Variants in HDAC5 observed in about 807,000 individuals in gnomAD.
HDAC5 encodes the protein histone deacetylase 5, also known as antigen NY-CO-9.
A neutral mutation model predicts 133.3 loss-of-function variants in HDAC5; 25 were observed. That is an observed-to-expected ratio of 0.19 (90% confidence interval 0.14 to 0.26). The LOEUF (loss-of-function observed/expected upper bound fraction) is 0.26, where lower values mean the gene tolerates loss of function less well. Ranked by LOEUF, HDAC5 falls within the 10% of genes least tolerant of loss-of-function variation. The pLI, the probability that HDAC5 is intolerant of heterozygous loss-of-function variation, is 1.00. For synonymous variants in HDAC5, 589 were observed against 610.8 expected, an observed-to-expected ratio of 0.96 and a Z score of 0.53; for missense variants, 1,041 against 1,460.5, an observed-to-expected ratio of 0.71 and a Z score of 4.68.
intron 2 of HDAC5, among the ~76,000 whole-genome samples, chr17:44,112,510 C>A (rs2052405111): frequency 6.6e-6 from 1 of 152,094 alleles, no homozygotes. Context: ...TTTTGGAGCC[C>A]CCTCCTTGAC....
intron 3 of HDAC5, among the ~76,000 whole-genome samples, chr17:44,098,262 G>A (rs1029794561): frequency 1.3e-5 from 2 of 152,226 alleles, no homozygotes; most frequent in South Asian, 2.1e-4. Context: ...GGCATGAGCA[G>A]AGCAGGTGGC....
chr17:44,089,872 A>G (rs1351943229), intron 11 of HDAC5, among the ~76,000 whole-genome samples: 1 of 144,922 alleles, frequency 6.9e-6, no homozygotes, highest in Non-Finnish European at 1.5e-5. Context: ...TGGAGGGTGC[A>G]GTGAGCAGAG....
chr17:44,122,806 G>A (rs2053092055), intron 1 of HDAC5, among the ~76,000 whole-genome samples: 1 of 152,108 alleles, frequency 6.6e-6, no homozygotes, highest in African/African-American at 2.4e-5. Context: ...GATGAAAAAT[G>A]GGGGGCATCC....
Position 44,080,794 on chromosome 17 carries a change from T to G in HDAC5, c.2696A>C (p.Asn899Thr). 1 of 1,614,152 alleles carries G rather than the reference T, an allele frequency of 6.2e-7. No individual in the cohort carries two copies. Among genetic ancestry groups the G allele is most frequent in the Non-Finnish European group, 8.5e-7 (1 of 1,180,012 alleles). Residue 899 changes from asparagine to threonine, a missense_variant, in exon 21 of 27, where the codon AAC becomes ACC. This residue lies in a region of HDAC5 where 174 missense variants were observed against 352.7 expected (regional missense o/e 0.49). Transcript: ENST00000682912. ...YISLHRYDNG[N>T]FFPGSGAPEE... ...AGGAGCCCCAGAGCCTGGAAAGAAG[T>G]TCCCGTTGTCATAGCGATGCAGAGA... is the stretch of plus-strand genomic sequence containing the variant.
chr17:44,093,313 C>T lies in HDAC5; in HGVS notation c.526+1G>A. 6.3e-7 allele frequency: 1 copy of T among 1,587,514 alleles called. No individual in the cohort carries two copies. Among genetic ancestry groups the T allele is most frequent in the Non-Finnish European group, 8.6e-7 (1 of 1,166,394 alleles). On this transcript the variant is annotated splice_donor_variant, in intron 5 of 26. Coordinates refer to ENST00000682912, the MANE Select transcript of HDAC5 (RefSeq NM_005474.5). LOFTEE classifies it high-confidence loss of function. Reference sequence around the variant, plus strand: ...CGAGGTCCCAGGAGGCCCTGCCTTACTCTCTTTGCTCTTCTCCTTGTTCCG... The same window carrying T: ...CGAGGTCCCAGGAGGCCCTGCCTTATTCTCTTTGCTCTTCTCCTTGTTCCG...
At chr17:44,101,031 C>T (rs2051573594) in intron 3 of HDAC5, among the ~76,000 whole-genome samples, 1 of 149,504 alleles carries the variant, frequency 6.7e-6, no homozygotes, top group South Asian at 2.1e-4. Context: ...CCTCATGATC[C>T]GCCCGCCTCA....
At chr17:44,103,068 G>A (rs609292) in intron 3 of HDAC5, among the ~76,000 whole-genome samples, 89,568 of 151,962 alleles carry the variant, frequency 0.59, 31,267 homozygotes, top group South Asian at 0.88. Flanking sequence ...CTCACCAGGT[G>A]GGGGAGACAG....
chr17:44,091,829 C>A lies in HDAC5; in HGVS notation c.1035G>T (p.Met345Ile), dbSNP rs1452295767. The part of the protein sequence containing the change: ...TGSVPNIPTE[M>I]LPQHRALPLD... ...GAGGGAGGGCTCGGTGCTGAGGGAGCATCTGGGGAGCAGTCAGAAGAGACA... is the reference window on the plus strand; with the variant it reads ...GAGGGAGGGCTCGGTGCTGAGGGAGAATCTGGGGAGCAGTCAGAAGAGACA... The change falls in exon 10 of 27, where the codon ATG (methionine) becomes ATT (isoleucine). Residue 345 changes from methionine to isoleucine, a missense_variant and splice_region_variant. Around this residue, in one of 9 missense-constraint regions of HDAC5, gnomAD observed 433 missense variants for 531.6 expected, o/e 0.81. Transcript: ENST00000682912. 1 of 1,554,696 alleles carries A rather than the reference C, an allele frequency of 6.4e-7. No homozygotes were observed.
intron 2 of HDAC5, among the ~76,000 whole-genome samples, chr17:44,113,506 G>A (rs1232445610): frequency 6.6e-6 from 1 of 152,130 alleles, no homozygotes; most frequent in Admixed American, 6.5e-5. Context: ...GGTGATACAA[G>A]GTCCTCCTAA....
At chr17:44,078,703 G>A (rs781768510) in intron 25 of HDAC5, 38 bp from the exon 26 acceptor site, 1 of 1,607,582 alleles carries the variant, frequency 6.2e-7, no homozygotes, top group Non-Finnish European at 8.5e-7. Context: ...AGGGAGGGCA[G>A]AGGACACCCA....
chr17:44,104,677 G>A (rs889949762), intron 3 of HDAC5, among the ~76,000 whole-genome samples: 1 of 152,196 alleles, frequency 6.6e-6, no homozygotes, highest in Non-Finnish European at 1.5e-5. Flanking sequence ...GGCCACAATT[G>A]TGGGATCCCT....
At chr17:44,094,089 G>A (rs986873856) in intron 3 of HDAC5, among the ~76,000 whole-genome samples, 9 of 152,200 alleles carry the variant, frequency 5.9e-5, no homozygotes, top group Non-Finnish European at 4.4e-5. Flanking sequence ...TTGGGAGGCT[G>A]AGGCAGGCAG....
intron 1 of HDAC5, among the ~76,000 whole-genome samples, chr17:44,123,056 G>A (rs1330883438): frequency 6.6e-6 from 1 of 152,288 alleles, no homozygotes; most frequent in Admixed American, 6.5e-5. Flanking sequence ...AAGCGCTCTG[G>A]GTGGACAGCA....
intron 3 of HDAC5, among the ~76,000 whole-genome samples, chr17:44,099,477 T>C (rs1046509150): frequency 6.6e-6 from 1 of 151,446 alleles, no homozygotes; most frequent in African/African-American, 2.4e-5. Context: ...GTTTCGTTTT[T>C]TCTTTTTTTT....
At position 44,079,228 on chromosome 17, in the gene HDAC5, C is replaced by G. The variant is rs751289627; in HGVS notation, c.2994G>C (p.Val998=). The change falls in exon 24 of 27, where the codon GTG becomes GTC. Residue 998 remains valine (V), a synonymous_variant. Transcript: ENST00000682912. ...RQLMTLAGGR[V]VLALEGGHDL... ...CATGGCCTCCCTCCAGGGCCAGCAC[C>G]ACCCGGCCCCCTGCCAGGGTCATCA... 39 of 1,613,268 alleles carry G rather than the reference C, an allele frequency of 2.4e-5. No individual in the cohort carries two copies. Among genetic ancestry groups the G allele is most frequent in the Non-Finnish European group, 3.2e-5 (38 of 1,179,462 alleles).
chr17:44,123,249 C>T, intron 1 of HDAC5: 3 of 296,736 alleles, frequency 1.0e-5, no homozygotes, highest in Non-Finnish European at 1.9e-5. Context: ...GGGCCCCTCC[C>T]TTACCTGTAG....
At chr17:44,096,773 G>A (rs2051300029) in intron 3 of HDAC5, among the ~76,000 whole-genome samples, 1 of 151,290 alleles carries the variant, frequency 6.6e-6, no homozygotes. Flanking sequence ...ACTGCCCCTG[G>A]CCTTTTTTTT....
chr17:44,122,857 C>T (rs566125093), intron 1 of HDAC5, among the ~76,000 whole-genome samples: 181 of 152,288 alleles, frequency 1.2e-3, no homozygotes, highest in African/African-American at 3.9e-3. Context: ...TCCATTTCAT[C>T]TCCTAGCTCT....
chr17:44,096,905 A>C (rs952586623), intron 3 of HDAC5, among the ~76,000 whole-genome samples: 17 of 151,926 alleles, frequency 1.1e-4, no homozygotes, highest in African/African-American at 3.9e-4. Context: ...TATTTTTAGT[A>C]GAAACGGGGT....
Sources: allele counts gnomAD v4.1 joint callset (sites outside exome capture counted in the v4.1 genomes callset), GRCh38; gene constraint gnomAD v4.1.1; regional missense constraint gnomAD v4.1.1; transcripts MANE v1.5; gene names NCBI Gene and HGNC (gene_info 2026-07-23, HGNC 2026-07-21).